The following LAMTOR5 variants were observed in gnomAD, a reference collection of about 807,000 sequenced individuals.
The protein encoded by LAMTOR5 is late endosomal/lysosomal adaptor, MAPK and MTOR activator 5, also known as ragulator complex protein LAMTOR5.
A neutral mutation model predicts 12.1 loss-of-function variants in LAMTOR5; 8 were observed. That is an observed-to-expected ratio of 0.66 (90% confidence interval 0.39 to 1.19). LAMTOR5 has a LOEUF of 1.19. Ranked by LOEUF, LAMTOR5 falls within the 50% of genes most tolerant of loss-of-function variation. LAMTOR5 has a pLI of 0.01. For synonymous variants in LAMTOR5, 37 were observed against 41.9 expected (o/e 0.88, Z 0.45); for missense variants, 110 against 112.8 (o/e 0.97, Z 0.11).
chr1:110,404,032 G>A lies in LAMTOR5; in HGVS notation c.102C>T (p.Arg34=), dbSNP rs149410124. ...CAGCATGCTCATCTGACAGGGTCCC[G>A]CGGCCTGGAAAATAGAGATGATATA... ...TDSQGLNLGC[R]GTLSDEHAGV... Residue 34 remains arginine, a synonymous_variant, in exon 3 of 4, where the codon CGC becomes CGT. Transcript: ENST00000602318. 18 of 1,613,648 alleles carry A rather than the reference G, an allele frequency of 1.1e-5. No homozygotes were observed. In the African/African-American group the frequency reaches 1.6e-4, roughly 14 times the overall value.
intron 1 of LAMTOR5, 73 bp downstream of exon 1, chr1:110,407,513 C>G (rs1663359183): frequency 6.5e-7 from 1 of 1,543,948 alleles, no homozygotes; most frequent in Non-Finnish European, 8.7e-7. Flanking sequence ...GTACTCGCAG[C>G]TCGCGCCTTT....
chr1:110,404,131 T>C, intron 2 of LAMTOR5, 95 bp from the exon 3 acceptor site: 1 of 1,529,692 alleles, frequency 6.5e-7, no homozygotes, highest in Middle Eastern at 1.9e-4. Flanking sequence ...TACAGAATTG[T>C]CTTTTTATTA....
Position 110,407,610 on chromosome 1 carries a change from G to A in LAMTOR5, c.11C>T (p.Thr4Ile). 6.2e-7 allele frequency: 1 copy of A among 1,614,096 alleles called. No individual in the cohort carries two copies. Among genetic ancestry groups the A allele is most frequent in the Non-Finnish European group, 8.5e-7 (1 of 1,180,038 alleles). Residue 4 changes from threonine to isoleucine, a missense_variant, in exon 1 of 4, where the codon ACC becomes ATC. Coordinates refer to ENST00000602318, the MANE Select transcript of LAMTOR5 (RefSeq NM_001382293.1). ...CGTGTCTTCCAAGTGCTGCTCCAAG[G>A]TCGCCTCCATCCCACCCACCGACCA... is the stretch of plus-strand genomic sequence containing the variant. MEA[T>I]LEQHLEDTMK...
At chr1:110,407,563 C>T (rs746760347) in intron 1 of LAMTOR5, 23 bp downstream of exon 1, 18 of 1,609,484 alleles carry the variant, frequency 1.1e-5, no homozygotes, top group Non-Finnish European at 1.5e-5. Context: ...TCAGGACAGG[C>T]CGAAGAGGCG....
rs770173012 is a variant in LAMTOR5, at chr1:110,404,001, T to C, written c.133A>G (p.Ile45Val). Reference protein sequence around the residue: ...GTLSDEHAGVISVLAQQAAKL... With the variant: ...GTLSDEHAGVVSVLAQQAAKL... ...GCTGCTTGCTGGGCTAGAACAGATA[T>C]CACTCCAGCATGCTCATCTGACAGG... is the stretch of plus-strand genomic sequence containing the variant. The change falls in exon 3 of 4, where the codon ATA becomes GTA. Residue 45 changes from isoleucine to valine, a missense_variant. Coordinates refer to ENST00000602318, the MANE Select transcript of LAMTOR5 (RefSeq NM_001382293.1). 1.2e-6 allele frequency: 2 copies of C among 1,614,194 alleles called. No individual in the cohort carries two copies. Among genetic ancestry groups the C allele is most frequent in the South Asian group, 1.1e-5 (1 of 91,082 alleles).
intron 3 of LAMTOR5, 145 bp downstream of exon 3, chr1:110,403,774 G>A: frequency 7.7e-7 from 1 of 1,291,060 alleles, no homozygotes; most frequent in Non-Finnish European, 1.0e-6. Flanking sequence ...GGATCAACTT[G>A]TCTGTTCCTG....
intron 2 of LAMTOR5, 108 bp downstream of exon 2, chr1:110,406,210 C>G: frequency 1.5e-6 from 1 of 660,100 alleles, no homozygotes; most frequent in South Asian, 2.5e-5. Context: ...TCAGAAAGAC[C>G]TGGCAAGGTA....
intron 1 of LAMTOR5, 192 bp downstream of exon 1, chr1:110,407,394 C>T (rs1387748758): frequency 9.9e-6 from 7 of 710,230 alleles, no homozygotes; most frequent in Middle Eastern, 4.0e-4. Context: ...CGGTGCCCGG[C>T]AGGATTTTAA....
intron 3 of LAMTOR5, among the ~76,000 whole-genome samples, chr1:110,403,062 T>C (rs560155828): frequency 3.3e-5 from 5 of 152,310 alleles, no homozygotes; most frequent in Admixed American, 3.3e-4. Context: ...TACAAATCTT[T>C]GTAGTCTAAG....
upstream of LAMTOR5, chr1:110,407,755 A>G (rs1180746228): frequency 1.2e-6 from 2 of 1,614,028 alleles, no homozygotes; most frequent in Non-Finnish European, 8.5e-7. Flanking sequence ...ATCACGGTGC[A>G]ACGTCCGCGT....
Position 110,407,635 on chromosome 1 carries a change from A to G in LAMTOR5, c.-15T>C. Reference sequence around the variant, plus strand: ...GTCGCCTCCATCCCACCCACCGACCACTCCGGCTCAGAACCCAGCGGCACG... The same window carrying G: ...GTCGCCTCCATCCCACCCACCGACCGCTCCGGCTCAGAACCCAGCGGCACG... On this transcript the variant is annotated 5_prime_UTR_variant, in exon 1 of 4. Transcript: ENST00000602318. The G allele has an allele frequency of 2.5e-6, 4 of 1,612,638 alleles. No individual in the cohort carries two copies. The highest frequency in any genetic ancestry group is 1.1e-5 in the South Asian group (1 of 90,956).
At chr1:110,407,744 G>A (rs1557925305), upstream of LAMTOR5, 1 of 1,614,214 alleles carries the variant, frequency 6.2e-7, no homozygotes, top group Non-Finnish European at 8.5e-7. Flanking sequence ...GGACAAAATT[G>A]ATCACGGTGC....
chr1:110,406,888 G>A (rs1663341709), intron 1 of LAMTOR5: 3 of 443,712 alleles, frequency 6.8e-6, no homozygotes, highest in Non-Finnish European at 1.2e-5. Context: ...TCTCTCTGAT[G>A]AGAGAAAAAA....
intron 1 of LAMTOR5, chr1:110,407,132 C>A (rs1322029131): frequency 4.7e-6 from 3 of 631,882 alleles, no homozygotes; most frequent in Admixed American, 5.4e-5. Context: ...ATAGATACTG[C>A]TTGTTCGAAA....
intron 2 of LAMTOR5, among the ~76,000 whole-genome samples, chr1:110,404,799 G>A (rs1344689797): frequency 2.6e-5 from 4 of 151,926 alleles, no homozygotes; most frequent in African/African-American, 9.7e-5. Context: ...CTGTAATCCC[G>A]CACTTTGGGA....
At chr1:110,402,750 G>C (rs1241287005) in intron 3 of LAMTOR5, among the ~76,000 whole-genome samples, 2 of 152,130 alleles carry the variant, frequency 1.3e-5, no homozygotes, top group African/African-American at 4.8e-5. Flanking sequence ...TGATGATCCT[G>C]ACCCTGTGCA....
At chr1:110,403,772 T>C in intron 3 of LAMTOR5, 147 bp downstream of exon 3, 2 of 1,274,120 alleles carry the variant, frequency 1.6e-6, no homozygotes, top group Non-Finnish European at 2.1e-6. Context: ...AGGGATCAAC[T>C]TGTCTGTTCC....
At chr1:110,406,835 C>A in intron 1 of LAMTOR5, 1 of 434,094 alleles carries the variant, frequency 2.3e-6, no homozygotes, top group East Asian at 3.5e-5. Context: ...AAAAAGAACA[C>A]AAAAAATTTA....
At chr1:110,404,350 A>C (rs1021410511) in intron 2 of LAMTOR5, among the ~76,000 whole-genome samples, 5 of 152,240 alleles carry the variant, frequency 3.3e-5, no homozygotes, top group African/African-American at 9.6e-5. Context: ...TACTATACAA[A>C]ACATTTTGAC....
Sources: allele counts gnomAD v4.1 joint callset (sites outside exome capture counted in the v4.1 genomes callset), GRCh38; gene constraint gnomAD v4.1.1; transcripts MANE v1.5; gene names NCBI Gene and HGNC (gene_info 2026-07-23, HGNC 2026-07-21).